The following CDH12 variants were observed in gnomAD, a reference collection of about 807,000 sequenced individuals.
The protein encoded by CDH12 is cadherin 12, also known as cadherin-12.
CDH12 carries 41 observed loss-of-function variants against 74.1 expected under a neutral mutation model. The ratio of observed to expected loss-of-function variants is 0.55; its 90% CI spans 0.43 to 0.72. The LOEUF is 0.72. Ranked by LOEUF, CDH12 falls within the 30% of genes least tolerant of loss-of-function variation. The pLI is 0.00. For missense variants in CDH12, 945 were observed against 977.2 expected (o/e 0.97, Z 0.44); for synonymous variants, 399 against 355.0 (o/e 1.12, Z -1.39).
At chr5:22,058,689 GAAGAAAGAAAGAAGAAAGAAA>G (rs1318348158) in intron 5 of CDH12, among the ~76,000 whole-genome samples, 4 of 103,630 alleles carry the variant, frequency 3.9e-5, no homozygotes, top group Non-Finnish European at 8.1e-5. Flanking sequence ...AAGAAAGAAA[GAAGAAAGAAAGAAGAAAGAAA>G]AAGAAAGAAA....
intron 3 of CDH12, among the ~76,000 whole-genome samples, chr5:22,330,230 T>C (rs1739290638): frequency 6.6e-6 from 1 of 152,058 alleles, no homozygotes; most frequent in African/African-American, 2.4e-5. Context: ...AGCTCCAGGA[T>C]GACATTCCTA....
intron 1 of CDH12, among the ~76,000 whole-genome samples, chr5:22,625,747 G>T (rs1334728868): frequency 6.6e-6 from 1 of 152,154 alleles, no homozygotes; most frequent in African/African-American, 2.4e-5. Context: ...CCCAAGCAGG[G>T]TGCTTCCTGG....
At chr5:21,937,238 C>G (rs1755113886) in intron 6 of CDH12, among the ~76,000 whole-genome samples, 1 of 151,874 alleles carries the variant, frequency 6.6e-6, no homozygotes, top group East Asian at 1.9e-4. Flanking sequence ...GTGACTGAGG[C>G]CTTATATGTT....
At chr5:21,859,609 C>G (rs1051585419) in intron 6 of CDH12, among the ~76,000 whole-genome samples, 2 of 151,960 alleles carry the variant, frequency 1.3e-5, no homozygotes, top group Admixed American at 1.3e-4. Context: ...CACTAGCAAA[C>G]TTCTTGCTTC....
At chr5:22,457,795 AGTGCAGTGGT>A (rs1745343116) in intron 2 of CDH12, among the ~76,000 whole-genome samples, 1 of 151,942 alleles carries the variant, frequency 6.6e-6, no homozygotes, top group Non-Finnish European at 1.5e-5. Flanking sequence ...CCCAGGCTGG[AGTGCAGTGGT>A]GCGATCTCAG....
At chr5:22,757,625 AT>A (rs1475457092) in intron 1 of CDH12, among the ~76,000 whole-genome samples, 4 of 152,210 alleles carry the variant, frequency 2.6e-5, no homozygotes, top group Non-Finnish European at 4.4e-5. Flanking sequence ...TGTTATCAGC[AT>A]TTTTAATCCT....
chr5:22,301,471 C>T (rs1273090045), intron 3 of CDH12, among the ~76,000 whole-genome samples: 2 of 152,060 alleles, frequency 1.3e-5, no homozygotes, highest in Non-Finnish European at 2.9e-5. Context: ...TTTGAATCAT[C>T]AGAAAATAAA....
chr5:22,502,950 C>A (rs1177175455), intron 2 of CDH12, among the ~76,000 whole-genome samples: 4 of 152,002 alleles, frequency 2.6e-5, no homozygotes, highest in African/African-American at 9.7e-5. Flanking sequence ...CATCTATATC[C>A]TCTTCTTTAC....
intron 3 of CDH12, among the ~76,000 whole-genome samples, chr5:22,347,781 C>A (rs1354164812): frequency 6.6e-6 from 1 of 152,074 alleles, no homozygotes; most frequent in African/African-American, 2.4e-5. Flanking sequence ...AGTTGTAGTG[C>A]CAGTAGTATT....
intron 6 of CDH12, among the ~76,000 whole-genome samples, chr5:21,901,607 C>T (rs6452027): frequency 0.65 from 99,252 of 151,964 alleles, 36,120 homozygotes; most frequent in Non-Finnish European, 0.8. Flanking sequence ...TCCTGATTCG[C>T]CCATCACATT....
intron 2 of CDH12, among the ~76,000 whole-genome samples, chr5:22,487,515 CA>C (rs1746659249): frequency 6.6e-6 from 1 of 151,602 alleles, no homozygotes; most frequent in South Asian, 2.1e-4. Context: ...CTTGAGGGCA[CA>C]AAAAGTAATA....
intron 1 of CDH12, among the ~76,000 whole-genome samples, chr5:22,669,561 G>A (rs1323559675): frequency 1.3e-5 from 2 of 152,188 alleles, no homozygotes; most frequent in African/African-American, 4.8e-5. Context: ...TTTGACCAAT[G>A]AAATGTAAGC....
rs752782183 is a variant in CDH12 at position 22,705,130 on chromosome 5, T to TATATATACACACACAC, written c.-523+147927_-523+147928insGTGTGTGTGTATATAT. ...CCCCACCCAGTCATATATATATATATACACACACACACACACACACACACA... is the reference window on the plus strand; with the variant it reads ...CCCCACCCAGTCATATATATATATATATATATACACACACACACACACACACACACACACACACACA... On this transcript the variant is annotated intron_variant, in intron 1 of 14. Coordinates refer to ENST00000382254, the MANE Select transcript of CDH12 (RefSeq NM_004061.5). Among the ~76,000 whole-genome samples, 331 of 125,598 alleles carry TATATATACACACACAC rather than the reference T, an allele frequency of 2.6e-3. 3 individuals are homozygous for TATATATACACACACAC. Among genetic ancestry groups the TATATATACACACACAC allele is most frequent in the African/African-American group, 8.1e-3 (267 of 32,786 alleles). 82.4% of individuals were successfully genotyped at this position (125,598 alleles called of 152,430 possible).
chr5:22,775,097 A>G (rs1333448789), intron 1 of CDH12, among the ~76,000 whole-genome samples: 1 of 151,832 alleles, frequency 6.6e-6, no homozygotes, highest in Non-Finnish European at 1.5e-5. Context: ...ACACACATAT[A>G]TGCACACACA....
chr5:22,316,324 C>T (rs543529144), intron 3 of CDH12, among the ~76,000 whole-genome samples: 1 of 151,626 alleles, frequency 6.6e-6, no homozygotes, highest in Non-Finnish European at 1.5e-5. Flanking sequence ...CAAATAAGTC[C>T]CCCCACCAAC....
At chr5:22,372,949 C>A (rs1741361168) in intron 3 of CDH12, among the ~76,000 whole-genome samples, 2 of 152,124 alleles carry the variant, frequency 1.3e-5, no homozygotes, top group South Asian at 4.1e-4. Flanking sequence ...ACAGCTGCCC[C>A]AGTAAGCTAC....
At chr5:22,435,166 G>T (rs1744326874) in intron 2 of CDH12, among the ~76,000 whole-genome samples, 1 of 152,056 alleles carries the variant, frequency 6.6e-6, no homozygotes, top group Non-Finnish European at 1.5e-5. Flanking sequence ...CTAATCAGCT[G>T]CCAGTGTGGC....
intron 2 of CDH12, among the ~76,000 whole-genome samples, chr5:22,503,579 A>G (rs1373575447): frequency 6.6e-6 from 1 of 152,120 alleles, no homozygotes; most frequent in East Asian, 1.9e-4. Context: ...TTCTCCTCAA[A>G]TGCATTCTGC....
intron 3 of CDH12, among the ~76,000 whole-genome samples, chr5:22,217,660 C>A (rs1412508637): frequency 6.6e-6 from 1 of 151,482 alleles, no homozygotes; most frequent in Non-Finnish European, 1.5e-5. Flanking sequence ...CTATTGAATT[C>A]ACTAAAAGAT....
Sources: gnomAD v4.1 joint callset for allele counts (sites outside exome capture counted in the v4.1 genomes callset) on GRCh38, gnomAD v4.1.1 for gene constraint, MANE v1.5 for transcripts, NCBI Gene and HGNC (gene_info 2026-07-23, HGNC 2026-07-21) for gene names.